The following SLC9A9 variants were observed in gnomAD, a reference collection of about 807,000 sequenced individuals.
SLC9A9 encodes the protein solute carrier family 9 member A9, also known as sodium/hydrogen exchanger 9.
A neutral mutation model predicts 77.8 loss-of-function variants in SLC9A9; 62 were observed. The observed-to-expected ratio is 0.80, with a 90% confidence interval of 0.65 to 0.98. The LOEUF (loss-of-function observed/expected upper bound fraction) is 0.98, where lower values mean the gene tolerates loss of function less well. SLC9A9 is among the 50% of genes least tolerant of loss of function. The pLI is 0.00. For missense variants in SLC9A9, 775 were observed against 774.9 expected, an observed-to-expected ratio of 1.00 and a Z score of 0.00; for synonymous variants, 320 against 283.5, an observed-to-expected ratio of 1.13 and a Z score of -1.29.
intron 6 of SLC9A9, among the ~76,000 whole-genome samples, chr3:143,606,432 C>CTATATATATATATA (rs1287074508): frequency 1.4e-3 from 81 of 58,652 alleles, no homozygotes; most frequent in Non-Finnish European, 1.8e-3. Context: ...CTCTCTCTCT[C>CTATATATATATATA]TCTCTATATA....
chr3:143,331,353 G>A (rs1439164674), intron 14 of SLC9A9, among the ~76,000 whole-genome samples: 7 of 152,184 alleles, frequency 4.6e-5, no homozygotes, highest in African/African-American at 1.7e-4. Flanking sequence ...CTGCAGGGCT[G>A]CCTTAAAGTA....
chr3:143,758,925 T>G (rs2007021946), intron 4 of SLC9A9, among the ~76,000 whole-genome samples: 1 of 152,180 alleles, frequency 6.6e-6, no homozygotes, highest in Admixed American at 6.5e-5. Flanking sequence ...TATTTTCTTT[T>G]AAAATATCTG....
chr3:143,592,064 C>T (rs763981387), intron 6 of SLC9A9, among the ~76,000 whole-genome samples: 2 of 152,216 alleles, frequency 1.3e-5, no homozygotes, highest in Non-Finnish European at 2.9e-5. Context: ...TCATCACCTT[C>T]TCTATGTGGT....
At chr3:143,504,113 C>T (rs1314861352) in intron 9 of SLC9A9, 2 of 485,074 alleles carry the variant, frequency 4.1e-6, no homozygotes, top group Non-Finnish European at 8.1e-6. Context: ...TGGAACTTGC[C>T]ATGGGTGGAA....
intron 12 of SLC9A9, among the ~76,000 whole-genome samples, chr3:143,449,920 AAT>A (rs1330622377): frequency 3.1e-5 from 3 of 96,038 alleles, no homozygotes; most frequent in African/African-American, 4.3e-5. Context: ...AATATTACAT[AAT>A]ATATATTACA....
chr3:143,446,186 T>C (rs1178854275), intron 12 of SLC9A9, among the ~76,000 whole-genome samples: 1 of 152,062 alleles, frequency 6.6e-6, no homozygotes, highest in Non-Finnish European at 1.5e-5. Flanking sequence ...GAGTAATGTC[T>C]TCCAATAAGT....
chr3:143,761,794 T>C (rs1242539795), intron 4 of SLC9A9, among the ~76,000 whole-genome samples: 2 of 152,172 alleles, frequency 1.3e-5, no homozygotes, highest in African/African-American at 2.4e-5. Context: ...GATTCCTCAA[T>C]GATCTAGAAC....
At chr3:143,371,978 G>C (rs1255854078) in intron 13 of SLC9A9, 4 of 414,766 alleles carry the variant, frequency 9.6e-6, no homozygotes, top group Non-Finnish European at 1.9e-5. Context: ...CAGCTTCAAA[G>C]AAAGATAAAA....
At chr3:143,805,750 C>A (rs1415953069) in intron 2 of SLC9A9, among the ~76,000 whole-genome samples, 1 of 152,090 alleles carries the variant, frequency 6.6e-6, no homozygotes, top group African/African-American at 2.4e-5. Context: ...TGCCAGAGAA[C>A]AACCCCCTTT....
chr3:143,286,386 A>G (rs1408396114), intron 14 of SLC9A9, among the ~76,000 whole-genome samples: 1 of 152,152 alleles, frequency 6.6e-6, no homozygotes, highest in Non-Finnish European at 1.5e-5. Flanking sequence ...GCAGATTTGG[A>G]GAAGGCCAAG....
intron 4 of SLC9A9, among the ~76,000 whole-genome samples, chr3:143,747,825 C>A (rs1935231244): frequency 1.3e-5 from 2 of 152,178 alleles, no homozygotes; most frequent in South Asian, 2.1e-4. Flanking sequence ...TTTGTTACAG[C>A]AGCTATAAGA....
intron 12 of SLC9A9, 68 bp downstream of exon 12, chr3:143,466,969 C>T: frequency 6.4e-7 from 1 of 1,563,430 alleles, no homozygotes; most frequent in Non-Finnish European, 8.7e-7. Flanking sequence ...ACTAAGTCAG[C>T]AATACCAGAA....
Position 143,848,425 on chromosome 3 carries a change from A to G in SLC9A9, c.-103T>C. ...ACTGCCTGAGAATTTCAGAAGAAAC[A>G]CTGCCACTTTAGTTGCTACTTCACA... On this transcript the variant is annotated 5_prime_UTR_variant, in exon 1 of 16. Coordinates refer to ENST00000316549, the MANE Select transcript of SLC9A9 (RefSeq NM_173653.4). The G allele has an allele frequency of 1.4e-6, 2 of 1,478,128 alleles. No homozygotes were observed. The highest frequency in any genetic ancestry group is 1.4e-5 in the African/African-American group (1 of 72,080). 91.6% of individuals were successfully genotyped at this position (1,478,128 alleles called of 1,614,324 possible). A position where few individuals can be genotyped will look rare whatever the true frequency, so the allele number is the denominator to read the frequency against.
intron 12 of SLC9A9, among the ~76,000 whole-genome samples, chr3:143,392,882 T>C (rs2033606408): frequency 1.3e-5 from 2 of 152,270 alleles, no homozygotes; most frequent in East Asian, 1.9e-4. Flanking sequence ...AAGGGATCAA[T>C]TCAACAACAA....
chr3:143,731,642 A>C (rs184029800), intron 4 of SLC9A9, among the ~76,000 whole-genome samples: 1 of 152,184 alleles, frequency 6.6e-6, no homozygotes, highest in African/African-American at 2.4e-5. Context: ...CGTGACAAAC[A>C]TGATTCTCTT....
At chr3:143,597,972 A>G (rs1262580046) in intron 6 of SLC9A9, among the ~76,000 whole-genome samples, 2 of 152,176 alleles carry the variant, frequency 1.3e-5, no homozygotes, top group African/African-American at 4.8e-5. Context: ...TGCCTTCCCT[A>G]GAATCGCAGT....
intron 2 of SLC9A9, among the ~76,000 whole-genome samples, chr3:143,824,500 T>C (rs1262156677): frequency 6.6e-6 from 1 of 152,150 alleles, no homozygotes; most frequent in Non-Finnish European, 1.5e-5. Context: ...CTCCGAACCT[T>C]CTAATTTTGC....
intron 11 of SLC9A9, among the ~76,000 whole-genome samples, chr3:143,491,040 T>G (rs1414051043): frequency 6.6e-6 from 1 of 152,174 alleles, no homozygotes; most frequent in East Asian, 1.9e-4. Context: ...GTCAAATACA[T>G]AAAATAAGTG....
chr3:143,801,856 TG>T (rs1192339564), intron 2 of SLC9A9, among the ~76,000 whole-genome samples: 1 of 152,248 alleles, frequency 6.6e-6, no homozygotes, highest in East Asian at 1.9e-4. Context: ...TTCCACATCC[TG>T]CACCACCATG....
Sources: gnomAD v4.1 joint callset for allele counts (sites outside exome capture counted in the v4.1 genomes callset) on GRCh38, gnomAD v4.1.1 for gene constraint, MANE v1.5 for transcripts, NCBI Gene and HGNC (gene_info 2026-07-23, HGNC 2026-07-21) for gene names.